Variants in KCNIP1 observed in about 807,000 individuals in gnomAD.
KCNIP1 encodes the protein potassium voltage-gated channel interacting protein 1.
KCNIP1 carries 18 observed loss-of-function variants against 33.0 expected under a neutral mutation model. The ratio of observed to expected loss-of-function variants is 0.55; its 90% CI spans 0.38 to 0.81. The LOEUF is 0.81. KCNIP1 is among the 30% of genes least tolerant of loss of function. KCNIP1 has a pLI of 0.00. For synonymous variants in KCNIP1, 93 were observed against 98.3 expected (o/e 0.95, Z 0.32); for missense variants, 238 against 271.6 (o/e 0.88, Z 0.87).
rs114386537 is a variant in KCNIP1 at position 170,590,051 on chromosome 5, G to A, written c.61+85418G>A. On this transcript the variant is annotated intron_variant, in intron 1 of 7. Transcript: ENST00000328939. Reference sequence around the variant, plus strand: ...GGGAGTTAGGAGGAATAATGTATAGGAAGTATGAGCAGAGTGCCTGGCCTG... The same window carrying A: ...GGGAGTTAGGAGGAATAATGTATAGAAAGTATGAGCAGAGTGCCTGGCCTG... Among the ~76,000 whole-genome samples, 1,145 of 152,260 alleles carry A rather than the reference G, an allele frequency of 7.5e-3. 12 individuals carry two copies. The highest frequency in any genetic ancestry group is 0.026 in the African/African-American group (1,100 of 41,550).
intron 1 of KCNIP1, among the ~76,000 whole-genome samples, chr5:170,638,640 G>A (rs952641427): frequency 1.3e-5 from 2 of 152,090 alleles, no homozygotes; most frequent in African/African-American, 2.4e-5. Flanking sequence ...CCTGCTCTTC[G>A]TTAGACCTCC....
intron 1 of KCNIP1, among the ~76,000 whole-genome samples, chr5:170,381,065 G>A (rs1165219600): frequency 4.6e-5 from 7 of 152,184 alleles, no homozygotes; most frequent in Admixed American, 1.3e-4. Context: ...TTAAAAAGAG[G>A]TCTATGGATG....
chr5:170,707,680 C>T (rs1312156268), intron 1 of KCNIP1, among the ~76,000 whole-genome samples: 1 of 152,146 alleles, frequency 6.6e-6, no homozygotes, highest in Non-Finnish European at 1.5e-5. Flanking sequence ...TAAAAACATA[C>T]CCATTTGGAG....
At position 170,543,206 on chromosome 5, in the gene KCNIP1, C is replaced by T. The variant is rs142010635; in HGVS notation, c.61+38573C>T. 4.7e-3 allele frequency among the ~76,000 whole-genome samples: 718 copies of T among 152,242 alleles called. 5 individuals carry two copies. The highest frequency in any genetic ancestry group is 0.016 in the African/African-American group (665 of 41,538). On this transcript the variant is annotated intron_variant, in intron 1 of 7. Coordinates refer to ENST00000328939, the MANE Select transcript of KCNIP1 (RefSeq NM_014592.4). ...GAATACTGGGGGACATGAGCGTTCA[C>T]GCCTATGTAAATACTACACAGAAAG... is the stretch of plus-strand genomic sequence containing the variant.
intron 1 of KCNIP1, among the ~76,000 whole-genome samples, chr5:170,412,722 G>A (rs946369642): frequency 1.3e-5 from 2 of 152,120 alleles, no homozygotes; most frequent in African/African-American, 4.8e-5. Flanking sequence ...CTTTTTCTCT[G>A]CTGCCTCTCA....
chr5:170,354,873 T>G (rs953367597), intron 1 of KCNIP1, among the ~76,000 whole-genome samples: 4 of 152,222 alleles, frequency 2.6e-5, no homozygotes, highest in Non-Finnish European at 5.9e-5. Flanking sequence ...TCTTTAAATA[T>G]TCATGCTGTC....
intron 1 of KCNIP1, among the ~76,000 whole-genome samples, chr5:170,426,963 C>T (rs1755629147): frequency 6.6e-6 from 1 of 152,136 alleles, no homozygotes; most frequent in South Asian, 2.1e-4. Flanking sequence ...GAGGCGCGGC[C>T]GCAGGACCAG....
At position 170,733,862 on chromosome 5, in the gene KCNIP1, C is replaced by T. The variant is rs534074316; in HGVS notation, c.567C>T (p.Ile189=). 1.9e-5 allele frequency: 30 copies of T among 1,613,518 alleles called. No individual in the cohort carries two copies. The highest frequency in any genetic ancestry group is 1.7e-4 in the Middle Eastern group (1 of 6,058). Residue 189 remains isoleucine, a synonymous_variant, in exon 7 of 8, where the codon ATC becomes ATT. Coordinates refer to ENST00000328939, the MANE Select transcript of KCNIP1 (RefSeq NM_014592.4). ...FQKMDKNKDG[I]VTLDEFLESC... is the part of the protein sequence containing the mutation. ...AAATGGACAAAAATAAAGATGGCAT[C>T]GTAACTTTAGATGAATTTCTTGAAT...
At chr5:170,665,116 G>A (rs1283442200) in intron 1 of KCNIP1, among the ~76,000 whole-genome samples, 1 of 152,100 alleles carries the variant, frequency 6.6e-6, no homozygotes, top group Non-Finnish European at 1.5e-5. Flanking sequence ...AAAGGACCAG[G>A]GCTTGGGTAA....
intron 1 of KCNIP1, among the ~76,000 whole-genome samples, chr5:170,369,883 C>T (rs1763797671): frequency 6.6e-6 from 1 of 152,216 alleles, no homozygotes; most frequent in Non-Finnish European, 1.5e-5. Context: ...TATCACGGGT[C>T]ATGATTCTCC....
intron 1 of KCNIP1, among the ~76,000 whole-genome samples, chr5:170,600,484 A>G (rs1004201268): frequency 6.6e-6 from 1 of 151,860 alleles, no homozygotes; most frequent in African/African-American, 2.4e-5. Flanking sequence ...CCCCAACCCC[A>G]TCAGGCCACG....
chr5:170,482,948 T>G (rs896171845), intron 1 of KCNIP1: 1 of 366,726 alleles, frequency 2.7e-6, no homozygotes, highest in Admixed American at 3.5e-5. Context: ...TTTCAGTATT[T>G]CAAATAGGTC....
intron 1 of KCNIP1, among the ~76,000 whole-genome samples, chr5:170,362,417 C>T (rs1456194768): frequency 2.6e-5 from 4 of 152,192 alleles, no homozygotes; most frequent in South Asian, 4.1e-4. Context: ...CTCTTGTTTT[C>T]GAAATCAAGA....
chr5:170,369,191 T>G (rs966175106), intron 1 of KCNIP1, among the ~76,000 whole-genome samples: 1 of 152,232 alleles, frequency 6.6e-6, no homozygotes, highest in Non-Finnish European at 1.5e-5. Context: ...TGGGAAGTAG[T>G]AACATTAGGC....
In KCNIP1 at chr5:170,420,185, C is replaced by T. The variant is rs567824005; in HGVS notation, c.88+66221C>T. ...AACACAGGTTTGAACTGTGTGGGTC[C>T]GCTTACACATGGCTTTTGTTCAGTC... On this transcript the variant is annotated intron_variant, in intron 1 of 7. Coordinates refer to the KCNIP1 transcript ENST00000377360. 3.9e-4 allele frequency among the ~76,000 whole-genome samples: 60 copies of T among 152,176 alleles called. No individual in the cohort carries two copies. In the South Asian group the frequency reaches 0.011, roughly 28 times the overall value.
At chr5:170,681,418 C>T (rs1399344637) in intron 1 of KCNIP1, 1 of 325,612 alleles carries the variant, frequency 3.1e-6, no homozygotes, top group Non-Finnish European at 5.5e-6. Flanking sequence ...TTAGGGTCTC[C>T]TGCTCCGGCC....
At chr5:170,657,586 C>T (rs1398041373) in intron 1 of KCNIP1, among the ~76,000 whole-genome samples, 1 of 152,212 alleles carries the variant, frequency 6.6e-6, no homozygotes, top group Non-Finnish European at 1.5e-5. Flanking sequence ...CTTCCCCCAT[C>T]ATTCTAGATC....
intron 1 of KCNIP1, among the ~76,000 whole-genome samples, chr5:170,624,143 C>T (rs573924465): frequency 2.6e-5 from 4 of 152,344 alleles, no homozygotes; most frequent in African/African-American, 7.2e-5. Context: ...ATAAAAGATT[C>T]GAACAGCATA....
chr5:170,629,993 C>T (rs1289771975), intron 1 of KCNIP1, among the ~76,000 whole-genome samples: 1 of 152,186 alleles, frequency 6.6e-6, no homozygotes, highest in East Asian at 1.9e-4. Flanking sequence ...CAGTTGGCAA[C>T]ATTGCCCATC....
Sources: gnomAD v4.1 joint callset for allele counts (sites outside exome capture counted in the v4.1 genomes callset) on GRCh38, gnomAD v4.1.1 for gene constraint, MANE v1.5 for transcripts, NCBI Gene and HGNC (gene_info 2026-07-23, HGNC 2026-07-21) for gene names.